Variants in SETD3 observed in about 807,000 individuals in gnomAD.
The protein encoded by SETD3 is SET domain containing 3, actin N3(tau)-histidine methyltransferase, also known as actin-histidine N-methyltransferase.
SETD3 carries 19 observed loss-of-function variants against 63.0 expected under a neutral mutation model. That is an observed-to-expected ratio of 0.30 (90% confidence interval 0.21 to 0.44). The LOEUF is 0.44. Among genes scored for constraint, SETD3 ranks in the 20% least tolerant of loss-of-function variants. The probability of loss-of-function intolerance (pLI) is 1.00; values close to 1 mark genes in which losing one functional copy is unlikely to be tolerated. For missense variants in SETD3, 587 were observed against 728.5 expected, an observed-to-expected ratio of 0.81 and a Z score of 2.24; for synonymous variants, 286 against 264.1, an observed-to-expected ratio of 1.08 and a Z score of -0.80.
intron 8 of SETD3, among the ~76,000 whole-genome samples, chr14:99,407,318 C>T (rs768396739): frequency 3.3e-5 from 5 of 152,188 alleles, no homozygotes; most frequent in Non-Finnish European, 7.3e-5. Flanking sequence ...GGCCTCAGCA[C>T]ACAAGTTACA....
intron 6 of SETD3, among the ~76,000 whole-genome samples, chr14:99,451,382 C>A (rs183613816): frequency 7.2e-5 from 11 of 152,366 alleles, no homozygotes; most frequent in Non-Finnish European, 1.6e-4. Flanking sequence ...CAAGCCTCTT[C>A]TAGCCTTTGG....
chr14:99,442,358 C>T (rs1893872163), intron 6 of SETD3, among the ~76,000 whole-genome samples: 2 of 152,212 alleles, frequency 1.3e-5, no homozygotes, highest in Non-Finnish European at 2.9e-5. Flanking sequence ...GTGTTGGGCA[C>T]ATTCTAGATG....
chr14:99,434,326 G>A (rs890174921), intron 6 of SETD3, among the ~76,000 whole-genome samples: 4 of 152,082 alleles, frequency 2.6e-5, no homozygotes, highest in African/African-American at 7.2e-5. Context: ...CTCCCCCAAC[G>A]CAAAAACCCC....
In SETD3 at chr14:99,399,014, C is replaced by T; in HGVS notation, c.1450G>A (p.Val484Ile). ...ILEKAVKSAA[V>I]NREYYRQQME... ...TGTTGGCGATAGTATTCCCGGTTGA[C>T]AGCTGCACTCTTTACTGCTTTTTCC... is the stretch of plus-strand genomic sequence containing the variant. Residue 484 changes from valine (V) to isoleucine (I), a missense_variant, in exon 13 of 13, where the codon GTC (valine) becomes ATC (isoleucine). By Grantham distance (29) the Val-to-Ile change is conservative. Coordinates refer to ENST00000331768, the MANE Select transcript of SETD3 (RefSeq NM_032233.3). 2 of 1,614,218 alleles carry T rather than the reference C, an allele frequency of 1.2e-6. No individual in the cohort carries two copies. The highest frequency in any genetic ancestry group is 1.7e-6 in the Non-Finnish European group (2 of 1,180,040).
chr14:99,420,517 G>A (rs1418381612), intron 6 of SETD3, among the ~76,000 whole-genome samples: 2 of 152,018 alleles, frequency 1.3e-5, no homozygotes, highest in Non-Finnish European at 2.9e-5. Flanking sequence ...AACCCCAGGG[G>A]AATCTGATCT....
chr14:99,400,060 CACA>C lies in SETD3; in HGVS notation c.1338+36_1338+38del, dbSNP rs769199335. The C allele has an allele frequency of 1.4e-5, 22 of 1,548,616 alleles. No homozygotes were observed. The East Asian group carries it at 2.6e-4, about 19-fold the overall frequency. On this transcript the variant is annotated intron_variant, in intron 12 of 12. Transcript: ENST00000331768. ...CAAGCCTCATTAAACATCTTAACAA[CACA>C]ACAAGTTCAAAACCTCATTTATTTA...
chr14:99,405,354 G>C lies in SETD3; in HGVS notation c.942C>G (p.Gly314=), dbSNP rs1314745762. 6.2e-7 allele frequency: 1 copy of C among 1,607,332 alleles called. No individual in the cohort carries two copies. The highest frequency in any genetic ancestry group is 1.7e-5 in the Admixed American group (1 of 57,968). ...RAGEQIYIFY[G]TRSNAEFVIH... ...TCACAAACTCTGCGTTGGATCGAGT[G>C]CCATAAAAAATGTAAATCTGAGATG... Residue 314 remains glycine, a synonymous_variant, in exon 10 of 13, where the codon GGC becomes GGG. Transcript: ENST00000331768.
At chr14:99,405,658 G>T (rs1266925138) in intron 9 of SETD3, among the ~76,000 whole-genome samples, 1 of 152,100 alleles carries the variant, frequency 6.6e-6, no homozygotes. Flanking sequence ...GACCCCAGGT[G>T]ACCTGGGGTC....
At chr14:99,469,441 G>A (rs1183307366) in intron 1 of SETD3, among the ~76,000 whole-genome samples, 1 of 152,172 alleles carries the variant, frequency 6.6e-6, no homozygotes, top group African/African-American at 2.4e-5. Flanking sequence ...ATAAATTGAG[G>A]TATAAAATAC....
At chr14:99,475,789 G>A (rs1409245826) in intron 1 of SETD3, among the ~76,000 whole-genome samples, 1 of 152,128 alleles carries the variant, frequency 6.6e-6, no homozygotes, top group Non-Finnish European at 1.5e-5. Flanking sequence ...TGAGCCCAGT[G>A]AATTCATTCC....
At chr14:99,481,385 C>T (rs1896309181), upstream of SETD3, 1 of 398,618 alleles carries the variant, frequency 2.5e-6, no homozygotes, top group Non-Finnish European at 4.4e-6. Flanking sequence ...CGTCTCAGGA[C>T]GCAGCGTGAT....
rs111757085 is a variant in SETD3 at position 99,414,786 on chromosome 14, T to TAGGC, written c.676-853_676-852insGCCT. 8.9e-4 allele frequency among the ~76,000 whole-genome samples: 136 copies of TAGGC among 152,262 alleles called. 2 individuals carry two copies. The East Asian group carries it at 0.026, about 29-fold the overall frequency. On this transcript the variant is annotated intron_variant, in intron 6 of 12. Coordinates refer to ENST00000331768, the MANE Select transcript of SETD3 (RefSeq NM_032233.3). ...ATCTTCAGTTTCAATTACAGTCTGATAGATTGTAGTAAGTGATCAAATGAA... is the reference window on the plus strand; with the variant it reads ...ATCTTCAGTTTCAATTACAGTCTGATAGGCAGATTGTAGTAAGTGATCAAATGAA...
intron 1 of SETD3, among the ~76,000 whole-genome samples, chr14:99,467,750 C>A (rs978782377): frequency 6.6e-6 from 1 of 152,182 alleles, no homozygotes. Flanking sequence ...AAGACCCTTT[C>A]CCTTCTCTTA....
chr14:99,424,432 G>C (rs1019141258), intron 6 of SETD3, among the ~76,000 whole-genome samples: 2 of 152,182 alleles, frequency 1.3e-5, no homozygotes, highest in African/African-American at 2.4e-5. Context: ...CTTCAGGGCG[G>C]GGAGAGCCAG....
At chr14:99,449,689 C>A (rs897394833) in intron 6 of SETD3, among the ~76,000 whole-genome samples, 2 of 152,164 alleles carry the variant, frequency 1.3e-5, no homozygotes, top group Non-Finnish European at 2.9e-5. Context: ...GGCATTAATG[C>A]CAGGACAACA....
intron 6 of SETD3, among the ~76,000 whole-genome samples, chr14:99,422,942 C>T (rs887789032): frequency 3.3e-5 from 5 of 152,220 alleles, no homozygotes; most frequent in Admixed American, 6.5e-5. Flanking sequence ...ACCAGCAAGT[C>T]GCAGATGCAC....
At chr14:99,450,972 T>C (rs571416617) in intron 6 of SETD3, among the ~76,000 whole-genome samples, 1 of 152,206 alleles carries the variant, frequency 6.6e-6, no homozygotes, top group Non-Finnish European at 1.5e-5. Context: ...ACTGGGCCCA[T>C]TACATGGCAC....
At chr14:99,465,876 A>G in intron 1 of SETD3, 63 bp from the exon 2 acceptor site, 1 of 1,056,164 alleles carries the variant, frequency 9.5e-7, no homozygotes, top group South Asian at 1.4e-5. Context: ...TCAAGTAATA[A>G]AACATGTCCA....
chr14:99,420,545 A>C (rs1486816893), intron 6 of SETD3, among the ~76,000 whole-genome samples: 2 of 152,018 alleles, frequency 1.3e-5, no homozygotes, highest in African/African-American at 4.8e-5. Context: ...CCTCTTCAGA[A>C]AGCTCCAGCC....
Sources: allele counts gnomAD v4.1 joint callset (sites outside exome capture counted in the v4.1 genomes callset), GRCh38; gene constraint gnomAD v4.1.1; transcripts MANE v1.5; gene names NCBI Gene and HGNC (gene_info 2026-07-23, HGNC 2026-07-21).